The following SH3PXD2B variants were observed in gnomAD, a reference collection of about 807,000 sequenced individuals.
SH3PXD2B encodes the protein SH3 and PX domains 2B, also known as SH3 and PX domain-containing protein 2B.
A neutral mutation model predicts 73.1 loss-of-function variants in SH3PXD2B; 37 were observed. That is an observed-to-expected ratio of 0.51 (90% CI 0.39 to 0.67). SH3PXD2B has a LOEUF of 0.67. Ranked by LOEUF, SH3PXD2B falls within the 30% of genes least tolerant of loss-of-function variation. The pLI, the probability that SH3PXD2B is intolerant of heterozygous loss-of-function variation, is 0.00. For missense variants in SH3PXD2B, 1,053 were observed against 1,197.8 expected (o/e 0.88, Z 1.78); for synonymous variants, 457 against 480.5 (o/e 0.95, Z 0.64).
intron 1 of SH3PXD2B, among the ~76,000 whole-genome samples, chr5:172,447,272 G>A (rs369022335): frequency 2.6e-5 from 4 of 151,848 alleles, no homozygotes; most frequent in Non-Finnish European, 4.4e-5. Flanking sequence ...TTCATCCTTC[G>A]TTTGTAATCA....
At chr5:172,411,581 G>A (rs1581318357) in intron 2 of SH3PXD2B, among the ~76,000 whole-genome samples, 1 of 152,110 alleles carries the variant, frequency 6.6e-6, no homozygotes, top group Non-Finnish European at 1.5e-5. Context: ...TGTGTCTTTG[G>A]CCAGACACTT....
chr5:172,329,281 A>G (rs13176986), downstream of SH3PXD2B, among the ~76,000 whole-genome samples: 93,125 of 148,584 alleles, frequency 0.63, 29,501 homozygotes, highest in South Asian at 0.84. Context: ...ATGAGGTTTC[A>G]CCATGTTGGT....
intron 2 of SH3PXD2B, among the ~76,000 whole-genome samples, chr5:172,414,478 A>AAT (rs1758774773): frequency 6.6e-6 from 1 of 151,590 alleles, no homozygotes; most frequent in African/African-American, 2.4e-5. Flanking sequence ...AAAAAAAAAA[A>AAT]AAAAAGAAGG....
intron 4 of SH3PXD2B, among the ~76,000 whole-genome samples, chr5:172,386,944 T>A (rs1758072656): frequency 6.6e-6 from 1 of 152,188 alleles, no homozygotes; most frequent in Non-Finnish European, 1.5e-5. Context: ...GGTTGTGATA[T>A]AAAGTTTTCT....
intron 2 of SH3PXD2B, among the ~76,000 whole-genome samples, chr5:172,419,320 C>T (rs1758902261): frequency 6.6e-6 from 1 of 151,592 alleles, no homozygotes; most frequent in Non-Finnish European, 1.5e-5. Context: ...CCAGGGCCCC[C>T]TTCCCACTCC....
At chr5:172,434,093 G>A (rs181110511) in intron 1 of SH3PXD2B, among the ~76,000 whole-genome samples, 1 of 152,228 alleles carries the variant, frequency 6.6e-6, no homozygotes, top group East Asian at 1.9e-4. Flanking sequence ...AGTGTATTGT[G>A]TATTTCAAAA....
intron 9 of SH3PXD2B, among the ~76,000 whole-genome samples, chr5:172,352,370 G>A (rs189639567): frequency 5.3e-5 from 8 of 152,036 alleles, no homozygotes; most frequent in East Asian, 3.9e-4. Flanking sequence ...GACTACAGGC[G>A]TGCATCACCA....
At chr5:172,403,364 A>G (rs1457473601) in intron 3 of SH3PXD2B, among the ~76,000 whole-genome samples, 1 of 152,210 alleles carries the variant, frequency 6.6e-6, no homozygotes, top group Non-Finnish European at 1.5e-5. Context: ...TCTTGGCAGA[A>G]AACTGACCCC....
chr5:172,394,511 G>A (rs1190779928), intron 4 of SH3PXD2B, 52 bp downstream of exon 4: 2 of 1,590,352 alleles, frequency 1.3e-6, no homozygotes, highest in African/African-American at 2.7e-5. Context: ...AAAAAGAAAA[G>A]AAAACAGAAT....
At chr5:172,345,959 T>C (rs543704584) in intron 12 of SH3PXD2B, among the ~76,000 whole-genome samples, 177 bp downstream of exon 12, 2 of 152,314 alleles carry the variant, frequency 1.3e-5, no homozygotes, top group East Asian at 3.9e-4. Flanking sequence ...GTGAATATCA[T>C]AAGCCGCTGA....
At position 172,357,497 on chromosome 5, in the gene SH3PXD2B, C is replaced by T. The variant is rs115538292; in HGVS notation, c.667+1276G>A. Among the ~76,000 whole-genome samples, 613 of 152,136 alleles carry T rather than the reference C, an allele frequency of 4.0e-3. 3 individuals are homozygous for T. The highest frequency in any genetic ancestry group is 0.014 in the African/African-American group (591 of 41,504). On this transcript the variant is annotated intron_variant, in intron 8 of 12. Coordinates refer to ENST00000311601, the MANE Select transcript of SH3PXD2B (RefSeq NM_001017995.3). ...GTACAAACTCAGGAAAATGTGGTCT[C>T]GCTCCCATCTTCTAGCTGTGTGACC...
rs1759021626 is a variant in SH3PXD2B at position 172,423,544 on chromosome 5, T to TG, written c.76-1049_76-1048insC. On this transcript the variant is annotated intron_variant, in intron 1 of 12. Transcript: ENST00000311601. ...TCAGCTCACCCACTTGGATACGGGGTTGGGGGGGGGGGCGCACATTCTCTG... is the reference window on the plus strand; with the variant it reads ...TCAGCTCACCCACTTGGATACGGGGTGTGGGGGGGGGGGCGCACATTCTCTG... 2.0e-3 allele frequency among the ~76,000 whole-genome samples: 152 copies of TG among 75,084 alleles called. 1 individual carries two copies. The highest frequency in any genetic ancestry group is 8.7e-3 in the African/African-American group (133 of 15,340). The allele number at this position is 75,084 out of a possible 152,430, so 49.3% of individuals were successfully genotyped here.
intron 12 of SH3PXD2B, 114 bp from the exon 13 acceptor site, chr5:172,340,030 G>A (rs1451786500): frequency 2.6e-6 from 4 of 1,549,746 alleles, no homozygotes; most frequent in South Asian, 2.4e-5. Context: ...TGTGTACTCA[G>A]CAGCTCCTCT....
chr5:172,431,095 G>A (rs201615667), intron 1 of SH3PXD2B, among the ~76,000 whole-genome samples: 2 of 152,190 alleles, frequency 1.3e-5, no homozygotes, highest in East Asian at 3.9e-4. Context: ...TCGAACTTCT[G>A]GTCTCAGGTG....
At chr5:172,345,089 GGAAA>G (rs137881880) in intron 12 of SH3PXD2B, among the ~76,000 whole-genome samples, 1 of 144,348 alleles carries the variant, frequency 6.9e-6, no homozygotes, top group South Asian at 2.1e-4. Context: ...AGGGAGGGAA[GGAAA>G]GAAGGAGGGA....
intron 2 of SH3PXD2B, among the ~76,000 whole-genome samples, chr5:172,408,534 CTT>C (rs34377327): frequency 8.6e-5 from 8 of 92,664 alleles, no homozygotes; most frequent in African/African-American, 4.0e-4. Flanking sequence ...TGGGTTATCA[CTT>C]TTTTTTTTTT....
intron 1 of SH3PXD2B, among the ~76,000 whole-genome samples, chr5:172,437,326 T>C (rs575677154): frequency 9.9e-5 from 15 of 152,168 alleles, no homozygotes; most frequent in Admixed American, 2.0e-4. Context: ...CTGGCCTATA[T>C]AGGTCAGCAC....
intron 5 of SH3PXD2B, among the ~76,000 whole-genome samples, chr5:172,374,757 T>G (rs1309030518): frequency 6.6e-6 from 1 of 152,168 alleles, no homozygotes; most frequent in African/African-American, 2.4e-5. Flanking sequence ...CTTTAAGTTA[T>G]CTCATGAGTA....
chr5:172,408,679 C>A (rs1758620597), intron 2 of SH3PXD2B, among the ~76,000 whole-genome samples: 1 of 151,466 alleles, frequency 6.6e-6, no homozygotes, highest in Non-Finnish European at 1.5e-5. Flanking sequence ...GTTGGGATTA[C>A]AGGCGCCTGC....
Sources: gnomAD v4.1 joint callset for allele counts (sites outside exome capture counted in the v4.1 genomes callset) on GRCh38, gnomAD v4.1.1 for gene constraint, MANE v1.5 for transcripts, NCBI Gene and HGNC (gene_info 2026-07-23, HGNC 2026-07-21) for gene names.